The following USP6NL variants were observed in gnomAD, a reference collection of about 807,000 sequenced individuals.
USP6NL encodes the protein USP6 N-terminal-like protein.
In USP6NL, 26 loss-of-function variants were observed where a neutral mutation model predicts 61.9. That is an observed-to-expected ratio of 0.42 (90% CI 0.31 to 0.58). The LOEUF (loss-of-function observed/expected upper bound fraction) is 0.58, where lower values mean the gene tolerates loss of function less well. Among genes scored for constraint, USP6NL ranks in the 20% least tolerant of loss-of-function variants. The pLI is 0.16. For synonymous variants in USP6NL, 432 were observed against 390.1 expected, an observed-to-expected ratio of 1.11 and a Z score of -1.27; for missense variants, 1,114 against 1,034.3, an observed-to-expected ratio of 1.08 and a Z score of -1.06.
chr10:11,555,925 A>C (rs1193326807), intron 2 of USP6NL, among the ~76,000 whole-genome samples: 1 of 152,220 alleles, frequency 6.6e-6, no homozygotes, highest in East Asian at 1.9e-4. Context: ...TTCAAAACTG[A>C]AGGCAAAAAT....
At chr10:11,524,837 T>C (rs1025178509) in intron 4 of USP6NL, among the ~76,000 whole-genome samples, 2 of 152,176 alleles carry the variant, frequency 1.3e-5, no homozygotes, top group South Asian at 2.1e-4. Flanking sequence ...ATTCATATCA[T>C]GTGAAGGATG....
At chr10:11,569,249 C>T (rs1351614909) in intron 2 of USP6NL, among the ~76,000 whole-genome samples, 3 of 152,136 alleles carry the variant, frequency 2.0e-5, no homozygotes, top group Non-Finnish European at 2.9e-5. Context: ...GAAATATCTA[C>T]AAAATATCTG....
chr10:11,515,139 C>G (rs759234226), intron 5 of USP6NL, among the ~76,000 whole-genome samples: 1 of 152,182 alleles, frequency 6.6e-6, no homozygotes, highest in African/African-American at 2.4e-5. Context: ...TCTGAGACTA[C>G]GTTTTCAACC....
rs1332828022 is a variant in USP6NL at position 11,461,908 on chromosome 10, G to C, written c.*533C>G. On this transcript the variant is annotated 3_prime_UTR_variant, in exon 15 of 15. Coordinates refer to ENST00000609104, the MANE Select transcript of USP6NL (RefSeq NM_014688.5). Reference sequence around the variant, plus strand: ...ATATGAGAGGGAAAAAGAAAAACTGGACTAAAAGACAAGGAAAACAAGAAT... The same window carrying C: ...ATATGAGAGGGAAAAAGAAAAACTGCACTAAAAGACAAGGAAAACAAGAAT... The C allele has an allele frequency of 6.6e-6, 1 of 152,550 alleles. No homozygotes were observed. The highest frequency in any genetic ancestry group is 1.5e-5 in the Non-Finnish European group (1 of 68,388). The allele number at this position is 152,550 out of a possible 1,614,324, so 9.4% of individuals were successfully genotyped here.
In USP6NL at chr10:11,518,425, T is replaced by C. The variant is rs2133375452; in HGVS notation, c.195+110A>G. The C allele has an allele frequency of 1.1e-6, 1 of 917,790 alleles. No individual in the cohort carries two copies. The highest frequency in any genetic ancestry group is 2.0e-5 in the Admixed American group (1 of 48,794). The allele number at this position is 917,790 out of a possible 1,614,324, so 56.9% of individuals were successfully genotyped here. A position where few individuals can be genotyped will look rare whatever the true frequency, so the allele number is the denominator to read the frequency against. ...ATGAGGTCCAAAATCTAACAATGAC[T>C]GTACCATTCCCATATAATATGGCAC... On this transcript the variant is annotated intron_variant, in intron 5 of 14. Coordinates refer to ENST00000609104, the MANE Select transcript of USP6NL (RefSeq NM_014688.5). The surrounding 1 kb of genome is among the most constrained non-coding windows in gnomAD (Gnocchi z 5.3).
chr10:11,556,395 A>C (rs1369281841), intron 2 of USP6NL, among the ~76,000 whole-genome samples: 2 of 152,206 alleles, frequency 1.3e-5, no homozygotes, highest in African/African-American at 4.8e-5. Context: ...ACATGTAGAA[A>C]GATAGAAACA....
Position 11,474,898 on chromosome 10 carries a change from G to A in USP6NL, c.1078+6872C>T, listed in dbSNP as rs117131318. 1.8e-3 allele frequency among the ~76,000 whole-genome samples: 275 copies of A among 152,286 alleles called. 2 individuals are homozygous for A. The highest frequency in any genetic ancestry group is 3.1e-3 in the Non-Finnish European group (210 of 68,020). ...GTGTGGAAGCTGCGGACAGAAAAGT[G>A]CTATACCTTACACTAAGGAGTGTGG... is the stretch of plus-strand genomic sequence containing the variant. On this transcript the variant is annotated intron_variant, in intron 14 of 14. Coordinates refer to ENST00000609104, the MANE Select transcript of USP6NL (RefSeq NM_014688.5). This position sits in a 1 kb window ranked among gnomAD's most constrained non-coding sequence, Gnocchi z 4.9.
chr10:11,578,368 T>G (rs1265797423), intron 2 of USP6NL, among the ~76,000 whole-genome samples: 1 of 152,252 alleles, frequency 6.6e-6, no homozygotes, highest in Admixed American at 6.5e-5. Flanking sequence ...ATCAATACAA[T>G]CTTTAATAGA....
rs1236424556 is a variant in USP6NL, at chr10:11,596,439, G to A, written c.4+1192C>T. On this transcript the variant is annotated intron_variant, in intron 2 of 14. Coordinates refer to ENST00000609104, the MANE Select transcript of USP6NL (RefSeq NM_014688.5). This position sits in a 1 kb window ranked among gnomAD's most constrained non-coding sequence, Gnocchi z 4.1. ...GATCGAGACCATCCTGACTAACACG[G>A]TGAAACCCCGTCTCTACTAAAAATA... is the stretch of plus-strand genomic sequence containing the variant. 6.6e-6 allele frequency among the ~76,000 whole-genome samples: 1 copy of A among 151,946 alleles called. No homozygotes were observed. The highest frequency in any genetic ancestry group is 2.4e-5 in the African/African-American group (1 of 41,340).
At chr10:11,500,363 A>G (rs1023160460) in intron 7 of USP6NL, among the ~76,000 whole-genome samples, 6 of 152,028 alleles carry the variant, frequency 3.9e-5, no homozygotes, top group African/African-American at 1.5e-4. Flanking sequence ...AAAAACAGCA[A>G]TTTTTATTTT....
Position 11,506,439 on chromosome 10 carries a change from C to T in USP6NL, c.276+3156G>A, listed in dbSNP as rs900128761. Among the ~76,000 whole-genome samples the T allele has an allele frequency of 1.3e-5, 2 of 152,036 alleles. 1 individual carries two copies. The highest frequency in any genetic ancestry group is 4.1e-4 in the South Asian group (2 of 4,822). ...GGAGAATCATTTGACACCAGGAATTCGAGACCAGCCTGGGCAACATAGCAA... is the reference window on the plus strand; with the variant it reads ...GGAGAATCATTTGACACCAGGAATTTGAGACCAGCCTGGGCAACATAGCAA... On this transcript the variant is annotated intron_variant, in intron 6 of 14. Coordinates refer to ENST00000609104, the MANE Select transcript of USP6NL (RefSeq NM_014688.5).
Position 11,481,689 on chromosome 10 carries a change from C to A in USP6NL, c.1078+81G>T. On this transcript the variant is annotated intron_variant, in intron 14 of 14. Coordinates refer to ENST00000609104, the MANE Select transcript of USP6NL (RefSeq NM_014688.5). This position sits in a 1 kb window ranked among gnomAD's most constrained non-coding sequence, Gnocchi z 4.4. ...ACAAGTATAATGCTTACGCTGTGGG[C>A]AAGAAACAGCCCATGTTAATTATGC... The A allele has an allele frequency of 7.0e-7, 1 of 1,430,778 alleles. No homozygotes were observed. The highest frequency in any genetic ancestry group is 9.3e-7 in the Non-Finnish European group (1 of 1,073,806). 88.6% of individuals were successfully genotyped at this position (1,430,778 alleles called of 1,614,324 possible).
Position 11,462,609 on chromosome 10 carries a change from C to CTGAAAGGGTGCGAGT in USP6NL, c.2304_2318dup (p.Leu769_Gln773dup). 6.2e-7 allele frequency: 1 copy of CTGAAAGGGTGCGAGT among 1,613,976 alleles called. No individual in the cohort carries two copies. The highest frequency in any genetic ancestry group is 8.5e-7 in the Non-Finnish European group (1 of 1,179,900). ...CAGAAACTGCAGGGAGGCCATGGTC[C>CTGAAAGGGTGCGAGT]TGAAAGGGTGCGAGTTGAAAGGCTG... is the stretch of plus-strand genomic sequence containing the variant. On this transcript the variant is annotated inframe_insertion, in exon 15 of 15. Transcript: ENST00000609104.
chr10:11,467,741 A>T (rs1373241322), intron 14 of USP6NL, among the ~76,000 whole-genome samples: 1 of 150,856 alleles, frequency 6.6e-6, no homozygotes, highest in African/African-American at 2.5e-5. Context: ...GACTGAAAGA[A>T]ATAAACGCTA....
At chr10:11,483,548 G>A (rs139001697) in intron 13 of USP6NL, among the ~76,000 whole-genome samples, 5,672 of 44,534 alleles carry the variant, frequency 0.13, 918 homozygotes, top group East Asian at 0.51. Flanking sequence ...GAGAGAGAGG[G>A]AGGGAGGGAG....
intron 2 of USP6NL, among the ~76,000 whole-genome samples, chr10:11,535,675 G>A (rs368959340): frequency 1.3e-5 from 2 of 152,260 alleles, no homozygotes; most frequent in African/African-American, 4.8e-5. Flanking sequence ...GACAGCAAAT[G>A]CTCTTTTTTC....
rs573254911 is a variant in USP6NL at position 11,602,975 on chromosome 10, C to T, written c.-83-5258G>A. Among the ~76,000 whole-genome samples the T allele has an allele frequency of 2.0e-5, 3 of 152,312 alleles. No individual in the cohort carries two copies. Among genetic ancestry groups the T allele is most frequent in the South Asian group, 2.1e-4 (1 of 4,820 alleles). ...CTTGCTGCAACCCCGTGAAACATAA[C>T]GTCACATTTCTACAGCTTTAAGTAT... On this transcript the variant is annotated intron_variant, in intron 1 of 14. Transcript: ENST00000609104. This position sits in a 1 kb window ranked among gnomAD's most constrained non-coding sequence, Gnocchi z 4.8.
At position 11,532,280 on chromosome 10, in the gene USP6NL, G is replaced by A. The variant is rs536900832; in HGVS notation, c.5-4713C>T. The A allele has an allele frequency of 2.2e-5, 33 of 1,527,382 alleles. No individual in the cohort carries two copies. In the East Asian group the frequency reaches 4.8e-4, roughly 22 times the overall value. The allele number at this position is 1,527,382 out of a possible 1,614,324, so 94.6% of individuals were successfully genotyped here. A position where few individuals can be genotyped will look rare whatever the true frequency, so the allele number is the denominator to read the frequency against. ...ATTTCATTATTATTTTATAGTTCTC[G>A]AACACACCAAGAGTGCTGCCCGGCG... On this transcript the variant is annotated intron_variant, in intron 2 of 14. Coordinates refer to ENST00000609104, the MANE Select transcript of USP6NL (RefSeq NM_014688.5). The surrounding 1 kb of genome is among the most constrained non-coding windows in gnomAD (Gnocchi z 4.1).
chr10:11,603,345 C>T (rs1160435435), intron 1 of USP6NL, among the ~76,000 whole-genome samples: 1 of 152,190 alleles, frequency 6.6e-6, no homozygotes, highest in Non-Finnish European at 1.5e-5. Flanking sequence ...GTTACAGAGT[C>T]AGGGCCTTTT....
Sources: allele counts gnomAD v4.1 joint callset (sites outside exome capture counted in the v4.1 genomes callset), GRCh38; gene constraint gnomAD v4.1.1; non-coding constraint Gnocchi (gnomAD v3.1); transcripts MANE v1.5; gene names NCBI Gene and HGNC (gene_info 2026-07-23, HGNC 2026-07-21).